KCTD1: variants seen among roughly 807,000 people sequenced by gnomAD.
The protein encoded by KCTD1 is potassium channel tetramerization domain containing 1.
Under a neutral mutation model 66.0 loss-of-function variants are expected in KCTD1, and 24 were observed. That is an observed-to-expected ratio of 0.36 (90% CI 0.26 to 0.51). The LOEUF (loss-of-function observed/expected upper bound fraction) is 0.51, where lower values mean the gene tolerates loss of function less well. KCTD1 is among the 20% of genes least tolerant of loss of function. The probability of loss-of-function intolerance (pLI) is 0.95; values close to 1 mark genes in which losing one functional copy is unlikely to be tolerated. For synonymous variants in KCTD1, 511 were observed against 517.2 expected (o/e 0.99, Z 0.16); for missense variants, 943 against 1,205.2 (o/e 0.78, Z 3.22).
chr18:26,638,144 A>G (rs1264128468), intron 1 of KCTD1, among the ~76,000 whole-genome samples: 1 of 152,236 alleles, frequency 6.6e-6, no homozygotes, highest in East Asian at 1.9e-4. Context: ...TGCAGGTAAT[A>G]AAGTGCAAAA....
Position 26,476,506 on chromosome 18 carries a change from A to AT in KCTD1, c.2133+8dup. 6.2e-7 allele frequency: 1 copy of AT among 1,600,452 alleles called. No homozygotes were observed. The highest frequency in any genetic ancestry group is 1.1e-5 in the South Asian group (1 of 87,276). On this transcript the variant is annotated intron_variant, in intron 3 of 4. Coordinates refer to ENST00000580059, the MANE Select transcript of KCTD1 (RefSeq NM_001142730.3). The surrounding 1 kb of genome is among the most constrained non-coding windows in gnomAD (Gnocchi z 4.9). Reference sequence around the variant, plus strand: ...TTATGCTATTGGTGATTTAACATGGATCCCTCACCTTGAAATCATCAGGAA... The same window carrying AT: ...TTATGCTATTGGTGATTTAACATGGATTCCCTCACCTTGAAATCATCAGGAA...
At chr18:26,590,649 C>A (rs554679922) in intron 1 of KCTD1, among the ~76,000 whole-genome samples, 2 of 152,040 alleles carry the variant, frequency 1.3e-5, no homozygotes, top group African/African-American at 4.8e-5. Context: ...GCTATTTGCA[C>A]AGCAATGTTA....
At chr18:26,460,191 C>T (rs200672104) in intron 3 of KCTD1, among the ~76,000 whole-genome samples, 6 of 152,306 alleles carry the variant, frequency 3.9e-5, no homozygotes, top group South Asian at 4.1e-4. Flanking sequence ...CTGTAACCCT[C>T]GTCAATGCCC....
intron 1 of KCTD1, among the ~76,000 whole-genome samples, chr18:26,634,651 A>T (rs1284186930): frequency 6.6e-6 from 1 of 152,240 alleles, no homozygotes; most frequent in East Asian, 1.9e-4. Context: ...AAATGCTGTC[A>T]ATCTTGTAGA....
At chr18:26,537,226 AAAC>A (rs1984752271) in intron 1 of KCTD1, among the ~76,000 whole-genome samples, 3 of 152,358 alleles carry the variant, frequency 2.0e-5, no homozygotes, top group South Asian at 2.1e-4. Context: ...TGGAGTGAAA[AAAC>A]AACAACAATA....
At chr18:26,463,693 C>G (rs963661639) in intron 3 of KCTD1, among the ~76,000 whole-genome samples, 2 of 152,146 alleles carry the variant, frequency 1.3e-5, no homozygotes, top group Non-Finnish European at 2.9e-5. Context: ...CCCACCACTA[C>G]GCCCGGCTAA....
chr18:26,467,053 T>G (rs1022141372), intron 3 of KCTD1, among the ~76,000 whole-genome samples: 2 of 151,788 alleles, frequency 1.3e-5, no homozygotes, highest in Non-Finnish European at 2.9e-5. Flanking sequence ...TTGTCCAAAA[T>G]AAGCACAGGA....
At chr18:26,637,200 T>C (rs565225623) in intron 1 of KCTD1, among the ~76,000 whole-genome samples, 8 of 152,312 alleles carry the variant, frequency 5.3e-5, no homozygotes, top group African/African-American at 1.9e-4. Context: ...TCTCCCATAT[T>C]TTGTGCTTCC....
upstream of KCTD1, among the ~76,000 whole-genome samples, chr18:26,631,934 C>A (rs909833766): frequency 6.6e-6 from 1 of 151,826 alleles, no homozygotes; most frequent in Non-Finnish European, 1.5e-5. Flanking sequence ...CCTGTAGTCC[C>A]AGCTACTCTG....
At chr18:26,575,672 C>A (rs1167583129) in intron 1 of KCTD1, 1 of 152,166 alleles carries the variant, frequency 6.6e-6, no homozygotes, top group Non-Finnish European at 1.5e-5. Context: ...CAAAGGAAGG[C>A]TCTGAACTAT....
At chr18:26,555,254 T>C (rs1985679547) in intron 1 of KCTD1, among the ~76,000 whole-genome samples, 1 of 152,246 alleles carries the variant, frequency 6.6e-6, no homozygotes, top group Non-Finnish European at 1.5e-5. Context: ...ACTTAAACAC[T>C]TTCTACCCAA....
intron 1 of KCTD1, among the ~76,000 whole-genome samples, chr18:26,584,226 G>A (rs1319068405): frequency 6.6e-6 from 1 of 152,166 alleles, no homozygotes; most frequent in Non-Finnish European, 1.5e-5. Context: ...TTATCCAATA[G>A]AGTAGCCACT....
At position 26,573,122 on chromosome 18, in the gene KCTD1, C is replaced by G. The variant is rs190912370; in HGVS notation, c.-16+56025G>C. 2.6e-3 allele frequency among the ~76,000 whole-genome samples: 390 copies of G among 150,976 alleles called. 2 individuals carry two copies. Among genetic ancestry groups the G allele is most frequent in the Middle Eastern group, 3.4e-3 (1 of 294 alleles). On this transcript the variant is annotated intron_variant, in intron 1 of 4. Transcript: ENST00000317932. ...ATAACAAATATTTCATAACACCTTA[C>G]CATCCTGAAATGTAATTCATAGATA...
At position 26,546,964 on chromosome 18, in the gene KCTD1, C is replaced by T. The variant is rs1412454556; in HGVS notation, c.1573G>A (p.Asp525Asn). 6.9e-7 allele frequency: 1 copy of T among 1,450,592 alleles called. No individual in the cohort carries two copies. The highest frequency in any genetic ancestry group is 9.1e-7 in the Non-Finnish European group (1 of 1,093,902). The allele number at this position is 1,450,592 out of a possible 1,614,324, so 89.9% of individuals were successfully genotyped here. Residue 525 changes from aspartate (D) to asparagine (N), a missense_variant, in exon 1 of 5, where the codon GAC becomes AAC. By Grantham distance (23) the Asp-to-Asn change is conservative. Coordinates refer to ENST00000580059, the MANE Select transcript of KCTD1 (RefSeq NM_001142730.3). ...ILPKDSQVGP[D>N]VKSEAAPKRA... is the part of the protein sequence containing the mutation. The stretch of plus-strand genomic sequence containing the variant: ...TTGGGCGCAGCCTCGGATTTCACGT[C>T]GGGCCCGACCTGGCTGTCTTTGGGG...
At chr18:26,522,320 A>G (rs1486844928) in intron 1 of KCTD1, among the ~76,000 whole-genome samples, 1 of 152,222 alleles carries the variant, frequency 6.6e-6, no homozygotes, top group Non-Finnish European at 1.5e-5. Context: ...GCTTCAAGGC[A>G]GAGATCGATC....
At chr18:26,559,246 AAG>A (rs1254639880) in intron 1 of KCTD1, among the ~76,000 whole-genome samples, 1 of 152,212 alleles carries the variant, frequency 6.6e-6, no homozygotes, top group Non-Finnish European at 1.5e-5. Flanking sequence ...AAATAACTAA[AAG>A]AGTATAATTG....
intron 1 of KCTD1, among the ~76,000 whole-genome samples, chr18:26,576,176 C>T (rs1412504060): frequency 6.6e-6 from 1 of 152,176 alleles, no homozygotes; most frequent in Non-Finnish European, 1.5e-5. Context: ...GCACTTTTCA[C>T]CGTGTCTCGT....
chr18:26,500,552 C>T (rs1215345414), intron 2 of KCTD1, among the ~76,000 whole-genome samples: 1 of 152,094 alleles, frequency 6.6e-6, no homozygotes, highest in Non-Finnish European at 1.5e-5. Flanking sequence ...ATTTATCTAC[C>T]TTAAGTTCGT....
intron 3 of KCTD1, among the ~76,000 whole-genome samples, chr18:26,462,249 G>A (rs1187748406): frequency 6.6e-6 from 1 of 152,186 alleles, no homozygotes. Flanking sequence ...TTTTGGCCCT[G>A]CTCAGTGACC....
Sources: gnomAD v4.1 joint callset for allele counts (sites outside exome capture counted in the v4.1 genomes callset) on GRCh38, gnomAD v4.1.1 for gene constraint, Gnocchi (gnomAD v3.1) non-coding constraint, MANE v1.5 for transcripts, NCBI Gene and HGNC (gene_info 2026-07-23, HGNC 2026-07-21) for gene names.